Variants in ARL15 observed in about 807,000 individuals in gnomAD.
The protein encoded by ARL15 is ARF like GTPase 15.
ARL15 carries 19 observed loss-of-function variants against 25.2 expected under a neutral mutation model. The observed-to-expected ratio is 0.75, with a 90% CI of 0.53 to 1.10. The LOEUF (loss-of-function observed/expected upper bound fraction) is 1.10. ARL15 is among the 50% of genes least tolerant of loss of function. The pLI is 0.00. For synonymous variants in ARL15, 94 were observed against 86.8 expected, an observed-to-expected ratio of 1.08 and a Z score of -0.46; for missense variants, 220 against 246.0, an observed-to-expected ratio of 0.89 and a Z score of 0.71.
At chr5:53,925,583 G>A (rs1429344356) in intron 4 of ARL15, among the ~76,000 whole-genome samples, 2 of 152,144 alleles carry the variant, frequency 1.3e-5, no homozygotes, top group South Asian at 2.1e-4. Context: ...CAGGAGGATC[G>A]TTTGAGGTCA....
chr5:53,945,313 G>A (rs933915317), intron 4 of ARL15, among the ~76,000 whole-genome samples: 2 of 152,202 alleles, frequency 1.3e-5, no homozygotes, highest in Non-Finnish European at 2.9e-5. Flanking sequence ...TACTGGGTAT[G>A]TTTACTGAGT....
At chr5:54,098,863 A>G (rs1752359674) in intron 4 of ARL15, among the ~76,000 whole-genome samples, 1 of 152,236 alleles carries the variant, frequency 6.6e-6, no homozygotes, top group African/African-American at 2.4e-5. Context: ...AAATGTTTCC[A>G]AAAACACTTG....
intron 4 of ARL15, among the ~76,000 whole-genome samples, chr5:54,030,102 G>A (rs1157956976): frequency 2.0e-5 from 3 of 152,166 alleles, no homozygotes; most frequent in South Asian, 2.1e-4. Context: ...TTGAACCCAG[G>A]AGCTTGAGGC....
chr5:54,290,365 C>T (rs1053662223), intron 1 of ARL15, among the ~76,000 whole-genome samples: 5 of 150,492 alleles, frequency 3.3e-5, no homozygotes, highest in Non-Finnish European at 7.4e-5. Flanking sequence ...GGCAGTGGCA[C>T]GATCTCGGCT....
At chr5:54,112,849 C>T (rs1346290502) in intron 4 of ARL15, among the ~76,000 whole-genome samples, 3 of 152,122 alleles carry the variant, frequency 2.0e-5, no homozygotes, top group African/African-American at 7.2e-5. Flanking sequence ...CATGGAAATA[C>T]TCACGATATG....
At chr5:54,152,946 T>C (rs1166535901) in intron 3 of ARL15, among the ~76,000 whole-genome samples, 1 of 152,238 alleles carries the variant, frequency 6.6e-6, no homozygotes, top group East Asian at 1.9e-4. Context: ...TCACTTTTTT[T>C]AAAACTGTCC....
intron 4 of ARL15, among the ~76,000 whole-genome samples, chr5:54,109,889 G>C (rs1202066319): frequency 6.6e-6 from 1 of 151,934 alleles, no homozygotes; most frequent in African/African-American, 2.4e-5. Context: ...TTGGCTTTCA[G>C]ACAGTATGTA....
At chr5:53,989,769 G>C (rs565579768) in intron 4 of ARL15, among the ~76,000 whole-genome samples, 7 of 152,006 alleles carry the variant, frequency 4.6e-5, no homozygotes, top group South Asian at 2.1e-4. Context: ...AGAAAAATGA[G>C]AGCGACTCCT....
rs115132741 is a variant in ARL15, at chr5:54,285,759, T to C, written c.48+24673A>G. 9.6e-3 allele frequency among the ~76,000 whole-genome samples: 1,469 copies of C among 152,292 alleles called. 11 individuals carry two copies. The highest frequency in any genetic ancestry group is 0.017 in the Admixed American group (261 of 15,288). On this transcript the variant is annotated intron_variant, in intron 1 of 4. Transcript: ENST00000504924. ...AAACCCCTTCGAATGAGGCCCTAGC[T>C]TGGGTCCTCTATTTCCAAATAAGGT...
At chr5:54,043,189 C>G (rs1033922359) in intron 4 of ARL15, among the ~76,000 whole-genome samples, 7 of 136,538 alleles carry the variant, frequency 5.1e-5, no homozygotes, top group Non-Finnish European at 9.3e-5. Context: ...TCTCTTCTCC[C>G]ATTCTACACA....
chr5:54,018,908 T>C (rs111300693), intron 4 of ARL15, among the ~76,000 whole-genome samples: 5,342 of 152,256 alleles, frequency 0.035, 109 homozygotes, highest in Non-Finnish European at 0.056. Flanking sequence ...TAGTTCCCAA[T>C]GTTGTTGTTT....
intron 3 of ARL15, among the ~76,000 whole-genome samples, chr5:54,121,509 A>C (rs1419774642): frequency 6.6e-6 from 1 of 152,204 alleles, no homozygotes; most frequent in African/African-American, 2.4e-5. Flanking sequence ...CGAATTATGT[A>C]ATTAGATAAG....
rs541957487 is a variant in ARL15 at position 53,991,473 on chromosome 5, C to CGGAGGTTGCAGTGAGCTGAGGT, written c.463-104761_463-104760insACCTCAGCTCACTGCAACCTCC. Among the ~76,000 whole-genome samples the CGGAGGTTGCAGTGAGCTGAGGT allele has an allele frequency of 1.7e-3, 230 of 132,642 alleles. 3 individuals carry two copies. The East Asian group carries it at 0.045, about 26-fold the overall frequency. The allele number at this position is 132,642 out of a possible 152,430, so 87.0% of individuals were successfully genotyped here. ...AGGAGAATCGCTTGAACCTGGGAGG[C>CGGAGGTTGCAGTGAGCTGAGGT]GGAGGTTGCAGTGAGCTGAGATTGC... On this transcript the variant is annotated intron_variant, in intron 4 of 4. Coordinates refer to ENST00000504924, the MANE Select transcript of ARL15 (RefSeq NM_019087.3).
intron 2 of ARL15, among the ~76,000 whole-genome samples, chr5:54,163,950 C>A (rs1013181826): frequency 6.6e-6 from 1 of 151,814 alleles, no homozygotes; most frequent in Non-Finnish European, 1.5e-5. Context: ...ATCCATTTTT[C>A]TTCCAGTTCC....
chr5:54,273,903 C>T (rs1290843934), intron 1 of ARL15, among the ~76,000 whole-genome samples: 3 of 152,132 alleles, frequency 2.0e-5, no homozygotes, highest in Non-Finnish European at 2.9e-5. Context: ...ATGTGAGTTA[C>T]AGAAAAATGA....
chr5:53,925,907 A>G (rs1191272720), intron 4 of ARL15, among the ~76,000 whole-genome samples: 2 of 152,062 alleles, frequency 1.3e-5, no homozygotes, highest in Admixed American at 6.6e-5. Flanking sequence ...TGTATCGTAA[A>G]CATAGGAGGG....
intron 4 of ARL15, among the ~76,000 whole-genome samples, chr5:54,041,756 A>T (rs980489733): frequency 6.6e-6 from 1 of 152,198 alleles, no homozygotes; most frequent in Non-Finnish European, 1.5e-5. Flanking sequence ...GCATCCATAG[A>T]GGGCAATGAG....
At chr5:54,094,655 T>C (rs558194097) in intron 4 of ARL15, among the ~76,000 whole-genome samples, 61 of 152,330 alleles carry the variant, frequency 4.0e-4, no homozygotes, top group Non-Finnish European at 6.8e-4. Context: ...AGAATTACTA[T>C]CACTTTGCTA....
chr5:54,242,821 G>A (rs1369737040), intron 1 of ARL15, among the ~76,000 whole-genome samples: 1 of 152,080 alleles, frequency 6.6e-6, no homozygotes, highest in Non-Finnish European at 1.5e-5. Flanking sequence ...GTTTGGGGCT[G>A]CAAACAAAAA....
Sources: gnomAD v4.1 joint callset for allele counts (sites outside exome capture counted in the v4.1 genomes callset) on GRCh38, gnomAD v4.1.1 for gene constraint, MANE v1.5 for transcripts, NCBI Gene and HGNC (gene_info 2026-07-23, HGNC 2026-07-21) for gene names.